The following TEKT5 variants were observed in gnomAD, a reference collection of about 807,000 sequenced individuals.
TEKT5 encodes tektin 5, also known as tektin-5.
In TEKT5, 52 loss-of-function variants were observed where a neutral mutation model predicts 48.7. That is an observed-to-expected ratio of 1.07 (90% CI 0.86 to 1.35). The LOEUF (loss-of-function observed/expected upper bound fraction) is 1.35. TEKT5 is among the 40% of genes most tolerant of loss of function. The pLI is 0.00. For synonymous variants in TEKT5, 318 were observed against 267.6 expected, an observed-to-expected ratio of 1.19 and a Z score of -1.84; for missense variants, 831 against 641.6, an observed-to-expected ratio of 1.30 and a Z score of -3.19.
chr16:10,680,876 G>A (rs986773609), intron 4 of TEKT5, among the ~76,000 whole-genome samples: 35 of 106,428 alleles, frequency 3.3e-4, no homozygotes, highest in African/African-American at 1.1e-3. Flanking sequence ...GGGGGAGGGG[G>A]GAGGGATAGC....
chr16:10,686,716 T>A (rs1898867492), intron 3 of TEKT5, among the ~76,000 whole-genome samples: 1 of 152,022 alleles, frequency 6.6e-6, no homozygotes, highest in Non-Finnish European at 1.5e-5. Context: ...TGATAAGGGG[T>A]TACTATCCAA....
intron 1 of TEKT5, among the ~76,000 whole-genome samples, chr16:10,693,580 C>T (rs1001946534): frequency 6.6e-6 from 1 of 152,228 alleles, no homozygotes; most frequent in Admixed American, 6.5e-5. Context: ...GTCTTGAATA[C>T]ATCAGTGACA....
At chr16:10,677,362 C>A (rs973594699) in intron 4 of TEKT5, among the ~76,000 whole-genome samples, 1 of 147,412 alleles carries the variant, frequency 6.8e-6, no homozygotes, top group Non-Finnish European at 1.5e-5. Flanking sequence ...GTAATCCCAG[C>A]ACTTTGGGAG....
intron 5 of TEKT5, among the ~76,000 whole-genome samples, chr16:10,674,394 G>A (rs1357610928): frequency 6.6e-6 from 1 of 152,038 alleles, no homozygotes; most frequent in African/African-American, 2.4e-5. Context: ...AACACTTTGG[G>A]AGGCTGAGGT....
intron 4 of TEKT5, among the ~76,000 whole-genome samples, chr16:10,678,633 C>T (rs1175094709): frequency 6.6e-6 from 1 of 152,148 alleles, no homozygotes; most frequent in African/African-American, 2.4e-5. Context: ...ACAACAACGT[C>T]CCATCCCAGG....
chr16:10,671,386 A>C (rs555267475), intron 5 of TEKT5, among the ~76,000 whole-genome samples: 29 of 152,374 alleles, frequency 1.9e-4, no homozygotes, highest in African/African-American at 6.7e-4. Flanking sequence ...GACGCCACCA[A>C]GTCTCCATAA....
rs200951251 is a variant in TEKT5, at chr16:10,694,301, T to G, written c.564+9A>C. 1 of 1,579,066 alleles carries G rather than the reference T, an allele frequency of 6.3e-7. No homozygotes were observed. The highest frequency in any genetic ancestry group is 8.6e-7 in the Non-Finnish European group (1 of 1,162,054). ...ACAGCCACAGCCCTGTCCCCACCCC[T>G]GTACTCACCTGCAATGGGCAGTTCA... On this transcript the variant is annotated intron_variant, in intron 1 of 6. Coordinates refer to ENST00000283025, the MANE Select transcript of TEKT5 (RefSeq NM_144674.2).
chr16:10,677,286 G>A (rs1316096618), intron 4 of TEKT5, among the ~76,000 whole-genome samples: 2 of 104,050 alleles, frequency 1.9e-5, no homozygotes, highest in Admixed American at 8.5e-5. Flanking sequence ...TGGAATACTC[G>A]GAAGGGTGTT....
At position 10,694,731 on chromosome 16, in the gene TEKT5, T is replaced by C. The variant is rs747160790; in HGVS notation, c.143A>G (p.Asn48Ser). Residue 48 changes from asparagine to serine, a missense_variant, in exon 1 of 7, where the codon AAT (asparagine) becomes AGT (serine). Asn to Ser is a conservative substitution (Grantham distance 46). Transcript: ENST00000283025. ...PYYLPGYRYL[N>S]SWRPSLFYKI... Reference sequence around the variant, plus strand: ...GTAGAAGAGGCTAGGCCTCCATGAATTGAGGTAGCGGTACCCGGGCAGGTA... The same window carrying C: ...GTAGAAGAGGCTAGGCCTCCATGAACTGAGGTAGCGGTACCCGGGCAGGTA... The C allele has an allele frequency of 4.3e-6, 7 of 1,613,978 alleles. No homozygotes were observed. Among genetic ancestry groups the C allele is most frequent in the South Asian group, 2.2e-5 (2 of 91,080 alleles).
At chr16:10,693,094 G>A (rs1034125295) in intron 1 of TEKT5, 6 of 152,222 alleles carry the variant, frequency 3.9e-5, no homozygotes, top group African/African-American at 1.4e-4. Context: ...TTTGTTGTTT[G>A]TTTGTTTGTT....
rs1484725483 is a variant in TEKT5, at chr16:10,677,637, AT to A, written c.864-1457del. Among the ~76,000 whole-genome samples, 9 of 120,946 alleles carry A rather than the reference AT, an allele frequency of 7.4e-5. 3 individuals are homozygous for A. Among genetic ancestry groups the A allele is most frequent in the African/African-American group, 2.7e-4 (6 of 22,604 alleles). The allele number at this position is 120,946 out of a possible 152,430, so 79.3% of individuals were successfully genotyped here. ...CAACAAAAAAATAAAAAGAAAATGCATGAAGCTGTCACTATCCCAGCTGTAA... is the reference window on the plus strand; with the variant it reads ...CAACAAAAAAATAAAAAGAAAATGCAGAAGCTGTCACTATCCCAGCTGTAA... On this transcript the variant is annotated intron_variant, in intron 4 of 6. Coordinates refer to ENST00000283025, the MANE Select transcript of TEKT5 (RefSeq NM_144674.2).
At chr16:10,648,404 G>A (rs572863018) in intron 5 of TEKT5, among the ~76,000 whole-genome samples, 2 of 151,668 alleles carry the variant, frequency 1.3e-5, no homozygotes, top group East Asian at 1.9e-4. Flanking sequence ...TGCAACCTCC[G>A]CCTCCCAGGG....
chr16:10,682,330 C>CT (rs34813327), intron 3 of TEKT5, among the ~76,000 whole-genome samples, 194 bp from the exon 4 acceptor site: 28,450 of 148,990 alleles, frequency 0.19, 2,852 homozygotes, highest in African/African-American at 0.27. Context: ...GTCCTTTATT[C>CT]TTTTTTTTTT....
In TEKT5 at chr16:10,641,199, T is replaced by G. The variant is rs1261285496; in HGVS notation, c.1087-5281A>C. ...ATGTAGTGGTATATTATGGTTTTAA[T>G]TTGCATTGTGCTTGTCTCTTTGAAG... On this transcript the variant is annotated intron_variant, in intron 5 of 6. Coordinates refer to ENST00000283025, the MANE Select transcript of TEKT5 (RefSeq NM_144674.2). 2.0e-5 allele frequency among the ~76,000 whole-genome samples: 3 copies of G among 152,168 alleles called. No homozygotes were observed. In the East Asian group the frequency reaches 5.8e-4, roughly 29 times the overall value.
chr16:10,660,877 T>C (rs997025820), intron 5 of TEKT5, among the ~76,000 whole-genome samples: 19 of 152,204 alleles, frequency 1.2e-4, no homozygotes, highest in African/African-American at 4.6e-4. Flanking sequence ...ATTTTTGTAT[T>C]TTTAGTTGAG....
chr16:10,693,907 T>C (rs915799448), intron 1 of TEKT5, among the ~76,000 whole-genome samples: 3 of 152,034 alleles, frequency 2.0e-5, no homozygotes, highest in Non-Finnish European at 4.4e-5. Context: ...GAGGCGGAAG[T>C]CGCAGCGAGC....
chr16:10,628,142 G>A (rs1243995648), intron 6 of TEKT5, among the ~76,000 whole-genome samples: 1 of 152,094 alleles, frequency 6.6e-6, no homozygotes, highest in African/African-American at 2.4e-5. Flanking sequence ...TATGGTGCCC[G>A]ACCTAGCACA....
chr16:10,647,250 G>A (rs1898083758), intron 5 of TEKT5, among the ~76,000 whole-genome samples: 1 of 151,920 alleles, frequency 6.6e-6, no homozygotes, highest in Non-Finnish European at 1.5e-5. Context: ...CAGGCAGATT[G>A]CTTGAGTCCA....
intron 5 of TEKT5, among the ~76,000 whole-genome samples, chr16:10,643,196 C>G (rs971561861): frequency 1.3e-5 from 2 of 151,674 alleles, no homozygotes; most frequent in African/African-American, 4.8e-5. Flanking sequence ...GCCTGGGCAA[C>G]ACAGTGAGAC....
Sources: gnomAD v4.1 joint callset for allele counts (sites outside exome capture counted in the v4.1 genomes callset) on GRCh38, gnomAD v4.1.1 for gene constraint, MANE v1.5 for transcripts, NCBI Gene and HGNC (gene_info 2026-07-23, HGNC 2026-07-21) for gene names.